Variants in ANLN observed in about 807,000 individuals in gnomAD.
ANLN encodes anillin, actin binding protein.
In ANLN, 59 loss-of-function variants were observed where a neutral mutation model predicts 135.1. That is an observed-to-expected ratio of 0.44 (90% CI 0.35 to 0.54). ANLN has a LOEUF of 0.54. Among genes scored for constraint, ANLN ranks in the 20% least tolerant of loss-of-function variants. The pLI is 0.00. For missense variants in ANLN, 1,182 were observed against 1,340.0 expected (o/e 0.88, Z 1.84); for synonymous variants, 406 against 456.4 (o/e 0.89, Z 1.41).
intron 15 of ANLN, 72 bp downstream of exon 15, chr7:36,424,015 C>A: frequency 2.1e-6 from 3 of 1,457,048 alleles, no homozygotes; most frequent in East Asian, 4.9e-5. Flanking sequence ...CTAAAGCATT[C>A]AGGTGGCATT....
At chr7:36,391,707 G>A (rs986601920) in intron 1 of ANLN, among the ~76,000 whole-genome samples, 5 of 152,130 alleles carry the variant, frequency 3.3e-5, no homozygotes, top group African/African-American at 1.2e-4. Context: ...TTTCCTCTCA[G>A]AACCATGGTA....
At chr7:36,405,748 C>T (rs1787159636) in intron 3 of ANLN, among the ~76,000 whole-genome samples, 1 of 152,196 alleles carries the variant, frequency 6.6e-6, no homozygotes, top group Non-Finnish European at 1.5e-5. Context: ...GCTCTAGCCA[C>T]ATTTCAAGTG....
At chr7:36,415,927 A>C in intron 8 of ANLN, 43 bp downstream of exon 8, 323 of 1,449,046 alleles carry the variant, frequency 2.2e-4, no homozygotes, top group Non-Finnish European at 2.8e-4. Context: ...GTAGAAACTC[A>C]AATGATGTTT....
intron 20 of ANLN, among the ~76,000 whole-genome samples, chr7:36,437,287 G>A (rs1788584528): frequency 6.6e-6 from 1 of 152,166 alleles, no homozygotes; most frequent in African/African-American, 2.4e-5. Flanking sequence ...GTCGTGTAGT[G>A]TTTGTCTTTC....
Position 36,419,353 on chromosome 7 carries a change from G to A in ANLN, c.1743G>A (p.Glu581=). The A allele has an allele frequency of 6.2e-7, 1 of 1,614,114 alleles. No homozygotes were observed. The highest frequency in any genetic ancestry group is 8.5e-7 in the Non-Finnish European group (1 of 1,180,008). Reference sequence around the variant, plus strand: ...TAGAGGAAGGTGAACTAGATATGGAGAAGAGCCAAGAGGAGATGGATCAAG... The same window carrying A: ...TAGAGGAAGGTGAACTAGATATGGAAAAGAGCCAAGAGGAGATGGATCAAG... ...DVLEEGELDM[E]KSQEEMDQAL... The change falls in exon 10 of 24, where the codon GAG becomes GAA. Residue 581 remains glutamate, a synonymous_variant. Coordinates refer to ENST00000265748, the MANE Select transcript of ANLN (RefSeq NM_018685.5).
chr7:36,420,847 G>A, intron 12 of ANLN, 103 bp downstream of exon 12: 1 of 1,190,184 alleles, frequency 8.4e-7, no homozygotes, highest in Non-Finnish European at 1.2e-6. Context: ...AACCCTGAGT[G>A]GCCAGAATAG....
intron 9 of ANLN, among the ~76,000 whole-genome samples, chr7:36,418,766 T>TG (rs10699250): frequency 2.0e-5 from 3 of 151,670 alleles, no homozygotes; most frequent in Admixed American, 2.0e-4. Flanking sequence ...TTTTTTTTTT[T>TG]GTCTCAGACA....
chr7:36,410,927 GAACTTTTTAAACTGAAAACTGTTTA>G, intron 6 of ANLN, 107 bp from the exon 7 acceptor site: 2 of 923,398 alleles, frequency 2.2e-6, no homozygotes, highest in Non-Finnish European at 3.2e-6. Flanking sequence ...TGTGTATTAT[GAACTTTTTAAACTGAAAACTGTTTA>G]AACTTTTTAA....
At chr7:36,411,192 C>T (rs771559327) in intron 7 of ANLN, 26 bp downstream of exon 7, 14 of 1,556,262 alleles carry the variant, frequency 9.0e-6, no homozygotes, top group Middle Eastern at 3.4e-4. Flanking sequence ...AATATAAAAA[C>T]GAACTTGGTC....
chr7:36,431,567 G>T (rs1008089882), intron 20 of ANLN, among the ~76,000 whole-genome samples: 1 of 11,708 alleles, frequency 8.5e-5, no homozygotes, highest in Non-Finnish European at 3.1e-4. Context: ...GTGTTTGTGT[G>T]TGTGTGTGTG....
chr7:36,390,274 G>C, intron 1 of ANLN: 1 of 648,648 alleles, frequency 1.5e-6, no homozygotes, highest in Non-Finnish European at 2.6e-6. Flanking sequence ...GGAAGGCTTT[G>C]AGTCTGTCCT....
At chr7:36,397,609 A>C (rs908357316) in intron 2 of ANLN, among the ~76,000 whole-genome samples, 3 of 152,228 alleles carry the variant, frequency 2.0e-5, no homozygotes, top group African/African-American at 7.2e-5. Flanking sequence ...AAAAATAAAA[A>C]AAGGAAAAGA....
intron 15 of ANLN, 86 bp from the exon 16 acceptor site, chr7:36,424,459 G>A: frequency 1.8e-6 from 2 of 1,108,280 alleles, no homozygotes; most frequent in Non-Finnish European, 2.6e-6. Context: ...TTTACTTAGA[G>A]TCTTGTAAGA....
At chr7:36,434,634 C>T (rs1788454599) in intron 20 of ANLN, among the ~76,000 whole-genome samples, 1 of 152,122 alleles carries the variant, frequency 6.6e-6, no homozygotes, top group Non-Finnish European at 1.5e-5. Context: ...GAGGCCGAGG[C>T]GGCTGGATCA....
chr7:36,405,155 G>T (rs1348235338), intron 3 of ANLN, among the ~76,000 whole-genome samples: 1 of 152,122 alleles, frequency 6.6e-6, no homozygotes, highest in Non-Finnish European at 1.5e-5. Flanking sequence ...TGTTACAGTT[G>T]CCTGCAATAT....
chr7:36,406,891 T>C (rs1787214159), intron 4 of ANLN, among the ~76,000 whole-genome samples: 1 of 152,128 alleles, frequency 6.6e-6, no homozygotes, highest in African/African-American at 2.4e-5. Context: ...ATGCTTTAAA[T>C]ATATATATGA....
intron 10 of ANLN, 114 bp downstream of exon 10, chr7:36,419,593 G>T: frequency 1.2e-6 from 1 of 820,276 alleles, no homozygotes; most frequent in Non-Finnish European, 1.9e-6. Flanking sequence ...AGGGAATTTT[G>T]CAGACCTGTT....
chr7:36,417,696 T>TC (rs1787703509), intron 9 of ANLN, among the ~76,000 whole-genome samples: 2 of 145,164 alleles, frequency 1.4e-5, no homozygotes, highest in Non-Finnish European at 3.0e-5. Context: ...TTTTTTTTTT[T>TC]TGAGACAGTC....
chr7:36,404,742 T>C (rs1456835443), intron 3 of ANLN, among the ~76,000 whole-genome samples: 1 of 152,156 alleles, frequency 6.6e-6, no homozygotes. Flanking sequence ...AAATAAAGGC[T>C]ACTTGAACAC....
Sources: gnomAD v4.1 joint callset for allele counts (sites outside exome capture counted in the v4.1 genomes callset) on GRCh38, gnomAD v4.1.1 for gene constraint, MANE v1.5 for transcripts, NCBI Gene and HGNC (gene_info 2026-07-23, HGNC 2026-07-21) for gene names.